The following PEX5 variants were observed in gnomAD, a reference collection of about 807,000 sequenced individuals.
PEX5 encodes the protein peroxisomal biogenesis factor 5.
PEX5 carries 52 observed loss-of-function variants against 82.9 expected under a neutral mutation model. The ratio of observed to expected loss-of-function variants is 0.63; its 90% CI spans 0.50 to 0.79. The LOEUF (loss-of-function observed/expected upper bound fraction) is 0.79. Among genes scored for constraint, PEX5 ranks in the 30% least tolerant of loss-of-function variants. The probability of loss-of-function intolerance (pLI) is 0.00; values close to 1 mark genes in which losing one functional copy is unlikely to be tolerated. For missense variants in PEX5, 719 were observed against 815.2 expected (o/e 0.88, Z 1.44); for synonymous variants, 300 against 318.8 (o/e 0.94, Z 0.63).
chr12:7,203,152 C>G (rs1186026067), intron 9 of PEX5, among the ~76,000 whole-genome samples: 1 of 71,224 alleles, frequency 1.4e-5, no homozygotes, highest in Non-Finnish European at 3.5e-5. Flanking sequence ...GAGTGAAACT[C>G]TGTCTCAAAC....
In PEX5 at chr12:7,210,520, G is replaced by C; in HGVS notation, c.*297G>C. The C allele has an allele frequency of 1.9e-6, 1 of 513,972 alleles. No homozygotes were observed. Among genetic ancestry groups the C allele is most frequent in the South Asian group, 2.0e-5 (1 of 49,454 alleles). 31.8% of individuals were successfully genotyped at this position (513,972 alleles called of 1,614,324 possible). On this transcript the variant is annotated 3_prime_UTR_variant, in exon 16 of 16. Transcript: ENST00000675855. ...TGCTGCTTTTTGGGTAGGACCCCACGATTTAGGGTAACTGTTATCATCAGC... is the reference window on the plus strand; with the variant it reads ...TGCTGCTTTTTGGGTAGGACCCCACCATTTAGGGTAACTGTTATCATCAGC...
At position 7,190,433 on chromosome 12, in the gene PEX5, AGCTC is replaced by A. The variant is rs1261001030; in HGVS notation, c.59_62del (p.Leu20ProfsTer15). The A allele has an allele frequency of 6.2e-7, 1 of 1,614,128 alleles. No individual in the cohort carries two copies. Among genetic ancestry groups the A allele is most frequent in the Admixed American group, 1.7e-5 (1 of 60,026 alleles). ...TGCGGGGGTGCCAACCCGCTCATGA[AGCTC>A]GCCGGGCACTTCACCCAGGACAAGG... On this transcript the variant is annotated frameshift_variant, in exon 2 of 16. Coordinates refer to ENST00000675855, the MANE Select transcript of PEX5 (RefSeq NM_001351132.2). LOFTEE classifies it high-confidence loss of function.
At chr12:7,194,519 T>G (rs1941749624) in intron 5 of PEX5, among the ~76,000 whole-genome samples, 2 of 152,190 alleles carry the variant, frequency 1.3e-5, no homozygotes, top group Admixed American at 1.3e-4. Flanking sequence ...TGTGTAGATT[T>G]GTGTAAGCAC....
In PEX5 at chr12:7,189,743, G is replaced by T; in HGVS notation, c.-24G>T. On this transcript the variant is annotated 5_prime_UTR_variant, in exon 1 of 16. Transcript: ENST00000675855. The stretch of plus-strand genomic sequence containing the variant: ...GCCCCGGCGGGTCGTGCGGCGCGGC[G>T]CTCCGCGGTGAGCGCCTGACCCCGA... The T allele has an allele frequency of 2.4e-6, 1 of 418,836 alleles. No homozygotes were observed. Among genetic ancestry groups the T allele is most frequent in the Non-Finnish European group, 4.0e-6 (1 of 250,922 alleles). 25.9% of individuals were successfully genotyped at this position (418,836 alleles called of 1,614,324 possible). A position where few individuals can be genotyped will look rare whatever the true frequency, so the allele number is the denominator to read the frequency against.
intron 9 of PEX5, among the ~76,000 whole-genome samples, chr12:7,203,165 AAAACT>A (rs140405070): frequency 2.6e-5 from 1 of 38,024 alleles, no homozygotes; most frequent in African/African-American, 6.9e-5. Context: ...TCTCAAACAA[AAAACT>A]AAACTAAACT....
intron 10 of PEX5, among the ~76,000 whole-genome samples, chr12:7,203,944 T>C (rs1426091099): frequency 6.6e-6 from 1 of 151,804 alleles, no homozygotes; most frequent in Non-Finnish European, 1.5e-5. Flanking sequence ...TCTTAATATC[T>C]GTTTACTTTT....
At position 7,202,685 on chromosome 12, in the gene PEX5, G is replaced by T. The variant is rs750449171; in HGVS notation, c.827G>T (p.Arg276Leu). The T allele has an allele frequency of 1.2e-6, 2 of 1,613,804 alleles. No homozygotes were observed. The highest frequency in any genetic ancestry group is 2.2e-5 in the South Asian group (2 of 91,076). ...NTSALDMEFERAKSAIESDVD... is the reference protein window; with the variant it reads ...NTSALDMEFELAKSAIESDVD... ...TCTGCCCTTGATATGGAGTTTGAAC[G>T]AGCCAAGTCAGCTATAGAGGTGAGA... Residue 276 changes from arginine (R) to leucine (L), a missense_variant, in exon 9 of 16, where the codon CGA becomes CTA. Physicochemically the swap from Arg to Leu is moderately radical, Grantham distance 102 (BLOSUM62 -2). Transcript: ENST00000675855.
rs148612827 is a variant in PEX5, at chr12:7,203,229, C to CAG, written c.847-202_847-201insGA. 0.013 allele frequency among the ~76,000 whole-genome samples: 1,081 copies of CAG among 82,764 alleles called. 282 individuals carry two copies. The highest frequency in any genetic ancestry group is 0.033 in the Admixed American group (181 of 5,406). 54.3% of individuals were successfully genotyped at this position (82,764 alleles called of 152,430 possible). ...CACTGCACTGCACTGCACTACATTACATTTCTGGCCATCACCCCAGACTAC... is the reference window on the plus strand; with the variant it reads ...CACTGCACTGCACTGCACTACATTACAGATTTCTGGCCATCACCCCAGACTAC... On this transcript the variant is annotated intron_variant, in intron 9 of 15. Transcript: ENST00000675855.
rs1318059801 is a variant in PEX5 at position 7,209,150 on chromosome 12, G to A, written c.1540G>A (p.Ala514Thr). Residue 514 changes from alanine (A) to threonine (T), a missense_variant, in exon 14 of 16, where the codon GCC (alanine) becomes ACC (threonine). Transcript: ENST00000675855. ...CAAGGCCGTGGACTGCTTCACAGCT[G>A]CCCTCAGCGTTCGTCCCAATGTGAG... ...YDKAVDCFTAALSVRPNDYLL... is the reference protein window; with the variant it reads ...YDKAVDCFTATLSVRPNDYLL... The A allele has an allele frequency of 6.2e-7, 1 of 1,613,842 alleles. No homozygotes were observed. The highest frequency in any genetic ancestry group is 8.5e-7 in the Non-Finnish European group (1 of 1,179,998).
chr12:7,216,972 AT>A lies in PEX5; in HGVS notation c.*20-1422del, dbSNP rs546307856. 2.7e-3 allele frequency among the ~76,000 whole-genome samples: 418 copies of A among 152,114 alleles called. 2 individuals carry two copies. The highest frequency in any genetic ancestry group is 4.8e-3 in the Non-Finnish European group (327 of 67,962). On this transcript the variant is annotated intron_variant, in intron 17 of 17. Transcript: ENST00000455147. ...TATTCACACTAATTCATACGTGTTTATTTTTTTTCTTCACATCAATGTAGTA... is the reference window on the plus strand; with the variant it reads ...TATTCACACTAATTCATACGTGTTTATTTTTTTCTTCACATCAATGTAGTA...
At chr12:7,191,078 T>C in intron 3 of PEX5, 148 bp from the exon 4 acceptor site, 1 of 1,211,002 alleles carries the variant, frequency 8.3e-7, no homozygotes, top group South Asian at 1.2e-5. Flanking sequence ...CTTCTAAATC[T>C]ATGGAAAGAC....
rs1000364770 is a variant in PEX5, at chr12:7,211,224, C to G, written c.*1001C>G. 2 of 152,500 alleles carry G rather than the reference C, an allele frequency of 1.3e-5. No individual in the cohort carries two copies. The highest frequency in any genetic ancestry group is 2.4e-5 in the African/African-American group (1 of 41,346). 9.4% of individuals were successfully genotyped at this position (152,500 alleles called of 1,614,324 possible). A position where few individuals can be genotyped will look rare whatever the true frequency, so the allele number is the denominator to read the frequency against. On this transcript the variant is annotated 3_prime_UTR_variant, in exon 16 of 16. Coordinates refer to ENST00000675855, the MANE Select transcript of PEX5 (RefSeq NM_001351132.2). Reference sequence around the variant, plus strand: ...GAAAATCCCCTTCCCCCATCTAGATCGAAGGAAGATGAGGGAGCAGCTTGG... The same window carrying G: ...GAAAATCCCCTTCCCCCATCTAGATGGAAGGAAGATGAGGGAGCAGCTTGG...
intron 5 of PEX5, among the ~76,000 whole-genome samples, chr12:7,195,402 A>C (rs1941902468): frequency 1.3e-5 from 2 of 151,980 alleles, no homozygotes; most frequent in African/African-American, 4.8e-5. Context: ...TACTCTTTTG[A>C]TTCTTTCGGT....
In PEX5 at chr12:7,208,554, C is replaced by A; in HGVS notation, c.1279C>A (p.Arg427=). The part of the protein sequence containing the change: ...SLQRQACETL[R]DWLRYTPAYA... ...GCAGCGACAGGCCTGTGAAACCCTA[C>A]GAGACTGGCTGCGGTACACACCAGC... The change falls in exon 13 of 16, where the codon CGA becomes AGA. Residue 427 remains arginine, a synonymous_variant. Transcript: ENST00000675855. The A allele has an allele frequency of 6.2e-7, 1 of 1,614,058 alleles. No individual in the cohort carries two copies. Among genetic ancestry groups the A allele is most frequent in the Non-Finnish European group, 8.5e-7 (1 of 1,179,922 alleles).
chr12:7,199,587 G>C (rs1943371768), intron 6 of PEX5, among the ~76,000 whole-genome samples: 1 of 151,372 alleles, frequency 6.6e-6, no homozygotes, highest in East Asian at 1.9e-4. Context: ...AAAATGAAAA[G>C]TCTCCCATGT....
rs1011369978 is a variant in PEX5 at position 7,202,308 on chromosome 12, G to T, written c.710G>T (p.Arg237Leu). The T allele has an allele frequency of 6.2e-7, 1 of 1,614,006 alleles. No individual in the cohort carries two copies. Among genetic ancestry groups the T allele is most frequent in the African/African-American group, 1.3e-5 (1 of 74,906 alleles). Residue 237 changes from arginine (R) to leucine (L), a missense_variant, in exon 8 of 16, where the codon CGA (arginine) becomes CTA (leucine). Physicochemically the swap from Arg to Leu is moderately radical, Grantham distance 102. Transcript: ENST00000675855. ...CTGGAGTCCGGTGCAGGGTCGGGCC[G>T]AGCTCAGGCAGAACAGTGGGCAGCA... ...VSLESGAGSGRAQAEQWAAEF... is the reference protein window; with the variant it reads ...VSLESGAGSGLAQAEQWAAEF...
chr12:7,194,797 AGAT>A (rs1215582354), intron 5 of PEX5, among the ~76,000 whole-genome samples: 6 of 152,204 alleles, frequency 3.9e-5, no homozygotes, highest in Non-Finnish European at 8.8e-5. Flanking sequence ...CAGTAGCAGA[AGAT>A]AATTGGCAAC....
At chr12:7,207,121 C>T (rs755427009) in intron 10 of PEX5, among the ~76,000 whole-genome samples, 98 of 152,056 alleles carry the variant, frequency 6.4e-4, no homozygotes, top group Non-Finnish European at 8.4e-4. Context: ...AGAATGAAAT[C>T]GGGGAATAAA....
rs1265992691 is a variant in PEX5, at chr12:7,196,498, TTA to T, written c.449-2507_449-2506del. On this transcript the variant is annotated intron_variant, in intron 5 of 15. Coordinates refer to ENST00000675855, the MANE Select transcript of PEX5 (RefSeq NM_001351132.2). ...AATTACATCATATATAATGTAATAA[TTA>T]TATATGTCACATATAATGTAATAAT... Among the ~76,000 whole-genome samples, 18 of 127,498 alleles carry T rather than the reference TTA, an allele frequency of 1.4e-4. 1 individual carries two copies. Among genetic ancestry groups the T allele is most frequent in the African/African-American group, 4.1e-4 (15 of 36,878 alleles). The allele number at this position is 127,498 out of a possible 152,430, so 83.6% of individuals were successfully genotyped here.
Sources: allele counts gnomAD v4.1 joint callset (sites outside exome capture counted in the v4.1 genomes callset), GRCh38; gene constraint gnomAD v4.1.1; transcripts MANE v1.5; gene names NCBI Gene and HGNC (gene_info 2026-07-23, HGNC 2026-07-21).